Variants in AQR observed in about 807,000 individuals in gnomAD.
AQR encodes the protein aquarius intron-binding spliceosomal factor.
In AQR, 61 loss-of-function variants were observed where a neutral mutation model predicts 180.5. That is an observed-to-expected ratio of 0.34 (90% CI 0.28 to 0.42). The LOEUF (loss-of-function observed/expected upper bound fraction) is 0.42. AQR is among the 10% of genes least tolerant of loss of function. The pLI is 1.00. For missense variants in AQR, 1,281 were observed against 1,798.3 expected (o/e 0.71, Z 5.20); for synonymous variants, 551 against 588.8 (o/e 0.94, Z 0.93).
rs559239110 is a variant in AQR, at chr15:34,896,982, A to C, written c.2391-16T>G. ...AATCGTATTACTGCAAATAAGAGTA[A>C]ATAAAAAGTTGGTACAGATAAATGA... On this transcript the variant is annotated splice_polypyrimidine_tract_variant and intron_variant, in intron 21 of 34. Transcript: ENST00000156471. 2 of 1,598,240 alleles carry C rather than the reference A, an allele frequency of 1.3e-6. No homozygotes were observed. The highest frequency in any genetic ancestry group is 1.3e-5 in the African/African-American group (1 of 74,602).
intron 3 of AQR, among the ~76,000 whole-genome samples, chr15:34,955,650 G>A (rs898723027): frequency 6.6e-6 from 1 of 152,184 alleles, no homozygotes; most frequent in African/African-American, 2.4e-5. Context: ...GCTCACGTCT[G>A]TAATCCCAGC....
At chr15:34,949,780 G>C (rs1279897729) in intron 4 of AQR, among the ~76,000 whole-genome samples, 1 of 142,940 alleles carries the variant, frequency 7.0e-6, no homozygotes, top group East Asian at 2.2e-4. Context: ...AACATAGTGA[G>C]ACCTTATCTC....
chr15:34,929,442 G>A, intron 12 of AQR, among the ~76,000 whole-genome samples: 1 of 152,164 alleles, frequency 6.6e-6, no homozygotes, highest in East Asian at 1.9e-4. Context: ...TTACTGAATA[G>A]GAGATCCTTT....
At chr15:34,884,882 TC>T in intron 25 of AQR, 148 bp from the exon 26 acceptor site, 1 of 642,862 alleles carries the variant, frequency 1.6e-6, no homozygotes, top group Non-Finnish European at 2.6e-6. Context: ...TATTCTTCAT[TC>T]CTGTAACTGA....
rs1371150898 is a variant in AQR at position 34,855,427 on chromosome 15, G to A, written c.*1365C>T. Reference sequence around the variant, plus strand: ...GGATGCACTAGAGGAGACATTCTGGGGTAAATGCTCCCCTCCCCTTTAGAT... The same window carrying A: ...GGATGCACTAGAGGAGACATTCTGGAGTAAATGCTCCCCTCCCCTTTAGAT... On this transcript the variant is annotated 3_prime_UTR_variant, in exon 35 of 35. Transcript: ENST00000156471. The A allele has an allele frequency of 6.6e-6, 1 of 152,118 alleles. No individual in the cohort carries two copies. The highest frequency in any genetic ancestry group is 1.5e-5 in the Non-Finnish European group (1 of 68,050). 9.4% of individuals were successfully genotyped at this position (152,118 alleles called of 1,614,324 possible).
At chr15:34,885,036 AAG>A (rs1331789214) in intron 25 of AQR, among the ~76,000 whole-genome samples, 5 of 152,314 alleles carry the variant, frequency 3.3e-5, no homozygotes, top group African/African-American at 9.6e-5. Context: ...CACGTAACTC[AAG>A]AGAGTTTATT....
intron 34 of AQR, among the ~76,000 whole-genome samples, chr15:34,858,669 T>G (rs1282531195): frequency 6.6e-6 from 1 of 152,198 alleles, no homozygotes; most frequent in African/African-American, 2.4e-5. Context: ...CTAAAGGACT[T>G]ATGTTATCTA....
chr15:34,941,012 T>C lies in AQR; in HGVS notation c.541-13A>G, dbSNP rs1894014468. 1.3e-6 allele frequency: 2 copies of C among 1,561,780 alleles called. No individual in the cohort carries two copies. The highest frequency in any genetic ancestry group is 1.8e-6 in the Non-Finnish European group (2 of 1,141,496). ...ATTCCAATCGTGCCTGAAGAAGAGA[T>C]GTGTTATTAAATTACCAGTAGCCTC... is the stretch of plus-strand genomic sequence containing the variant. On this transcript the variant is annotated splice_polypyrimidine_tract_variant and intron_variant, in intron 7 of 34. Transcript: ENST00000156471.
At chr15:34,886,397 T>C (rs1893060365) in intron 25 of AQR, 129 bp downstream of exon 25, 1 of 854,884 alleles carries the variant, frequency 1.2e-6, no homozygotes, top group Non-Finnish European at 1.7e-6. Flanking sequence ...AATATAGCAC[T>C]TGCAATACCA....
chr15:34,887,374 C>A (rs557610196), intron 24 of AQR, among the ~76,000 whole-genome samples: 2 of 152,178 alleles, frequency 1.3e-5, no homozygotes, highest in Non-Finnish European at 2.9e-5. Context: ...CTTCAAACAG[C>A]ACTGTTTTAC....
intron 33 of AQR, among the ~76,000 whole-genome samples, chr15:34,861,633 CTT>C (rs1376665758): frequency 1.3e-5 from 2 of 152,150 alleles, no homozygotes; most frequent in Admixed American, 1.3e-4. Flanking sequence ...TCCCAGACCT[CTT>C]GTCAGGAATG....
rs34949352 is a variant in AQR at position 34,882,465 on chromosome 15, T to TAAAAAA, written c.3165+31_3165+36dup. 62 of 1,200,166 alleles carry TAAAAAA rather than the reference T, an allele frequency of 5.2e-5. 1 individual carries two copies. The highest frequency in any genetic ancestry group is 2.4e-4 in the South Asian group (9 of 36,858). 74.3% of individuals were successfully genotyped at this position (1,200,166 alleles called of 1,614,324 possible). A position where few individuals can be genotyped will look rare whatever the true frequency, so the allele number is the denominator to read the frequency against. On this transcript the variant is annotated intron_variant, in intron 27 of 34. Coordinates refer to ENST00000156471, the MANE Select transcript of AQR (RefSeq NM_014691.3). ...GAAGTGAGCCAATCTCTGATAATCT[T>TAAAAAA]AAAAAAAAAAAAAAAAAAACTACCA...
intron 23 of AQR, among the ~76,000 whole-genome samples, chr15:34,892,175 GC>G (rs1390378130): frequency 1.3e-5 from 2 of 152,104 alleles, no homozygotes; most frequent in Non-Finnish European, 2.9e-5. Flanking sequence ...TCTCAGAGTT[GC>G]CTGTCTCATT....
intron 13 of AQR, among the ~76,000 whole-genome samples, chr15:34,926,679 A>T (rs1209919344): frequency 6.6e-6 from 1 of 152,242 alleles, no homozygotes; most frequent in Non-Finnish European, 1.5e-5. Context: ...AATTTTAAAC[A>T]TGCAAAAATT....
intron 32 of AQR, among the ~76,000 whole-genome samples, chr15:34,863,998 A>G (rs1892708043): frequency 1.3e-5 from 2 of 152,192 alleles, no homozygotes; most frequent in Non-Finnish European, 2.9e-5. Flanking sequence ...ATCACCTCCA[A>G]TCTCTGAAAG....
intron 3 of AQR, among the ~76,000 whole-genome samples, chr15:34,955,689 C>T (rs1021415981): frequency 6.6e-6 from 1 of 152,156 alleles, no homozygotes; most frequent in Non-Finnish European, 1.5e-5. Context: ...ATACAGATTA[C>T]CTGAGGTCAG....
intron 23 of AQR, among the ~76,000 whole-genome samples, chr15:34,892,980 A>G (rs537860499): frequency 6.6e-6 from 1 of 152,294 alleles, no homozygotes; most frequent in Admixed American, 6.5e-5. Flanking sequence ...ATCTATACTA[A>G]TTAGCCTTTC....
intron 12 of AQR, among the ~76,000 whole-genome samples, chr15:34,928,239 C>T (rs1422796424): frequency 1.3e-4 from 20 of 149,738 alleles, no homozygotes; most frequent in Admixed American, 8.0e-4. Context: ...ATTTTTTCTT[C>T]TAAAAAAAAT....
At chr15:34,878,530 T>C (rs1380945986) in intron 27 of AQR, among the ~76,000 whole-genome samples, 1 of 152,148 alleles carries the variant, frequency 6.6e-6, no homozygotes. Flanking sequence ...AAATGATGAT[T>C]ATTATCATTG....
Sources: gnomAD v4.1 joint callset for allele counts (sites outside exome capture counted in the v4.1 genomes callset) on GRCh38, gnomAD v4.1.1 for gene constraint, MANE v1.5 for transcripts, NCBI Gene and HGNC (gene_info 2026-07-23, HGNC 2026-07-21) for gene names.